The following DLGAP1 variants were observed in gnomAD, a reference collection of about 807,000 sequenced individuals.
The protein encoded by DLGAP1 is DLG associated protein 1.
Under a neutral mutation model 90.8 loss-of-function variants are expected in DLGAP1, and 11 were observed. The observed-to-expected ratio is 0.12, with a 90% CI of 0.08 to 0.20. The LOEUF is 0.20. Among genes scored for constraint, DLGAP1 ranks in the 10% least tolerant of loss-of-function variants. DLGAP1 has a pLI of 1.00. For synonymous variants in DLGAP1, 558 were observed against 540.7 expected, an observed-to-expected ratio of 1.03 and a Z score of -0.44; for missense variants, 1,050 against 1,333.8, an observed-to-expected ratio of 0.79 and a Z score of 3.31.
chr18:3,501,245 A>T (rs1054936696), intron 12 of DLGAP1, among the ~76,000 whole-genome samples: 2 of 152,126 alleles, frequency 1.3e-5, no homozygotes, highest in African/African-American at 2.4e-5. Flanking sequence ...AAAAAAAAAA[A>T]AAAATTAGAT....
chr18:4,444,384 T>A (rs866465041), intron 1 of DLGAP1, among the ~76,000 whole-genome samples: 4 of 152,336 alleles, frequency 2.6e-5, no homozygotes, highest in Middle Eastern at 6.8e-3. Flanking sequence ...GAGTCATGAT[T>A]TTGACTTCCT....
intron 3 of DLGAP1, among the ~76,000 whole-genome samples, chr18:3,959,524 G>A (rs772645510): frequency 3.3e-5 from 5 of 152,000 alleles, no homozygotes; most frequent in East Asian, 3.9e-4. Flanking sequence ...AAAAGTAGCC[G>A]GACGTGGTGT....
At chr18:3,574,630 C>A (rs2055000362) in intron 8 of DLGAP1, among the ~76,000 whole-genome samples, 1 of 151,966 alleles carries the variant, frequency 6.6e-6, no homozygotes, top group Admixed American at 6.6e-5. Flanking sequence ...GGAGAGAGGT[C>A]CCTCCAAAAA....
intron 7 of DLGAP1, among the ~76,000 whole-genome samples, chr18:3,647,326 T>C (rs964806632): frequency 3.3e-5 from 5 of 151,886 alleles, no homozygotes; most frequent in Non-Finnish European, 7.4e-5. Flanking sequence ...AGTAGCAGCA[T>C]ATGAATTTTT....
chr18:3,641,287 C>T (rs2058929585), intron 7 of DLGAP1, among the ~76,000 whole-genome samples: 1 of 151,850 alleles, frequency 6.6e-6, no homozygotes, highest in Admixed American at 6.6e-5. Flanking sequence ...CTGGCTCATG[C>T]CTGTAATCCC....
chr18:4,300,181 T>C (rs552759537), intron 1 of DLGAP1, among the ~76,000 whole-genome samples: 1 of 152,186 alleles, frequency 6.6e-6, no homozygotes, highest in Non-Finnish European at 1.5e-5. Flanking sequence ...TGATAATCCA[T>C]GACAATAACA....
At chr18:4,029,047 T>G (rs2074750330) in intron 2 of DLGAP1, among the ~76,000 whole-genome samples, 1 of 152,234 alleles carries the variant, frequency 6.6e-6, no homozygotes, top group African/African-American at 2.4e-5. Flanking sequence ...AACCACTCTT[T>G]TACTCTCTGC....
At chr18:4,278,261 G>T (rs2079463043) in intron 1 of DLGAP1, among the ~76,000 whole-genome samples, 1 of 152,046 alleles carries the variant, frequency 6.6e-6, no homozygotes, top group South Asian at 2.1e-4. Flanking sequence ...ATTTTTAAAG[G>T]AAGTTTGCTT....
At chr18:3,844,805 T>C (rs2068916986) in intron 4 of DLGAP1, among the ~76,000 whole-genome samples, 1 of 152,186 alleles carries the variant, frequency 6.6e-6, no homozygotes, top group Non-Finnish European at 1.5e-5. Context: ...ATCAACATGA[T>C]GTACGTATTC....
Position 3,713,967 on chromosome 18 carries a change from A to G in DLGAP1, c.1591+15168T>C, listed in dbSNP as rs576432965. On this transcript the variant is annotated intron_variant, in intron 7 of 12. Transcript: ENST00000315677. Reference sequence around the variant, plus strand: ...TTCCGCCCTATTCTGAAACACCCACATATCCTCACAGCATCGTCCGAGGAT... The same window carrying G: ...TTCCGCCCTATTCTGAAACACCCACGTATCCTCACAGCATCGTCCGAGGAT... Among the ~76,000 whole-genome samples, 4 of 152,322 alleles carry G rather than the reference A, an allele frequency of 2.6e-5. No individual in the cohort carries two copies. In the East Asian group the frequency reaches 7.7e-4, roughly 29 times the overall value.
chr18:4,348,245 A>T (rs1231683962), intron 1 of DLGAP1, among the ~76,000 whole-genome samples: 2 of 152,136 alleles, frequency 1.3e-5, no homozygotes, highest in Non-Finnish European at 2.9e-5. Context: ...TAAATTGATG[A>T]TGCTGAGAGT....
chr18:4,013,395 A>G (rs1049693211), intron 2 of DLGAP1, among the ~76,000 whole-genome samples: 2 of 152,228 alleles, frequency 1.3e-5, no homozygotes, highest in African/African-American at 2.4e-5. Context: ...TAGTAAGTGA[A>G]GGAGCTGGAC....
chr18:3,610,570 C>G (rs2057558664), intron 7 of DLGAP1, among the ~76,000 whole-genome samples: 1 of 152,092 alleles, frequency 6.6e-6, no homozygotes, highest in Admixed American at 6.6e-5. Flanking sequence ...GGCAGTAGCT[C>G]ACACCTGTAA....
intron 1 of DLGAP1, among the ~76,000 whole-genome samples, chr18:4,262,806 A>G (rs934427343): frequency 1.3e-5 from 2 of 152,194 alleles, no homozygotes; most frequent in African/African-American, 4.8e-5. Context: ...TGTAAAATGG[A>G]TGTAATATTA....
At chr18:4,327,883 G>A (rs75684150) in intron 1 of DLGAP1, among the ~76,000 whole-genome samples, 1 of 151,812 alleles carries the variant, frequency 6.6e-6, no homozygotes, top group Non-Finnish European at 1.5e-5. Context: ...ATACCATGCC[G>A]ACATGTGTCA....
intron 2 of DLGAP1, among the ~76,000 whole-genome samples, chr18:4,068,641 T>C (rs1006866058): frequency 6.6e-6 from 1 of 152,194 alleles, no homozygotes; most frequent in Non-Finnish European, 1.5e-5. Context: ...GTAGTGACTA[T>C]GTAATACCTA....
chr18:4,335,256 G>C (rs1337508459), intron 1 of DLGAP1, among the ~76,000 whole-genome samples: 1 of 151,956 alleles, frequency 6.6e-6, no homozygotes, highest in East Asian at 1.9e-4. Context: ...CCCGAAGAAT[G>C]AGCAGAAACA....
At chr18:3,811,794 A>G (rs1167698296) in intron 5 of DLGAP1, among the ~76,000 whole-genome samples, 3 of 152,200 alleles carry the variant, frequency 2.0e-5, no homozygotes, top group African/African-American at 7.2e-5. Flanking sequence ...AAGAGTTTCA[A>G]TGACTTCAGA....
chr18:3,866,530 T>C (rs1467501291), intron 4 of DLGAP1, among the ~76,000 whole-genome samples: 1 of 152,168 alleles, frequency 6.6e-6, no homozygotes, highest in East Asian at 1.9e-4. Flanking sequence ...CTTGCGTCCA[T>C]GTGAGTAGTG....
Sources: allele counts gnomAD v4.1 joint callset (sites outside exome capture counted in the v4.1 genomes callset), GRCh38; gene constraint gnomAD v4.1.1; transcripts MANE v1.5; gene names NCBI Gene and HGNC (gene_info 2026-07-23, HGNC 2026-07-21).